The following NHSL1 variants were observed in gnomAD, a reference collection of about 807,000 sequenced individuals.
The protein encoded by NHSL1 is NHS-like protein 1.
Under a neutral mutation model 95.0 loss-of-function variants are expected in NHSL1, and 48 were observed. That is an observed-to-expected ratio of 0.51 (90% CI 0.40 to 0.64). The LOEUF is 0.64. Ranked by LOEUF, NHSL1 falls within the 30% of genes least tolerant of loss-of-function variation. The probability of loss-of-function intolerance (pLI) is 0.00; values close to 1 mark genes in which losing one functional copy is unlikely to be tolerated. For missense variants in NHSL1, 1,971 were observed against 2,077.7 expected, an observed-to-expected ratio of 0.95 and a Z score of 1.00; for synonymous variants, 783 against 833.9, an observed-to-expected ratio of 0.94 and a Z score of 1.05.
rs1328098046 is a variant in NHSL1 at position 138,432,090 on chromosome 6, G to A, written c.2255C>T (p.Thr752Ile). The A allele has an allele frequency of 6.4e-7, 1 of 1,551,590 alleles. No homozygotes were observed. Among genetic ancestry groups the A allele is most frequent in the Non-Finnish European group, 8.7e-7 (1 of 1,146,942 alleles). The change falls in exon 6 of 8, where the codon ACC becomes ATC. Residue 752 changes from threonine to isoleucine, a missense_variant. Physicochemically the swap from Thr to Ile is moderately conservative, Grantham distance 89. This residue lies in a region of NHSL1 where 1,602 missense variants were observed against 1,654.5 expected (regional missense o/e 0.97). Coordinates refer to ENST00000343505, the MANE Select transcript of NHSL1 (RefSeq NM_001144060.2). The surrounding 1 kb of genome is among the most constrained non-coding windows in gnomAD (Gnocchi z 4.4). ...GCACAGGGAGTAGACATTGGGGGTG[G>A]TGGCGGAAGTCATGCTGCTGCCAGC... ...VSAGSSMTSATTPNVYSLCGA... is the reference protein window; with the variant it reads ...VSAGSSMTSAITPNVYSLCGA...
At chr6:138,591,140 A>T (rs1011893993) in intron 1 of NHSL1, among the ~76,000 whole-genome samples, 1 of 152,214 alleles carries the variant, frequency 6.6e-6, no homozygotes, top group Non-Finnish European at 1.5e-5. Context: ...TTTGAACTTG[A>T]GAATGTGCAG....
intron 1 of NHSL1, among the ~76,000 whole-genome samples, chr6:138,587,399 T>C (rs1784153299): frequency 6.7e-6 from 1 of 149,622 alleles, no homozygotes; most frequent in Non-Finnish European, 1.5e-5. Context: ...CTGGCCAACA[T>C]GGTGAAACCC....
chr6:138,644,964 T>G (rs999016314), intron 1 of NHSL1, among the ~76,000 whole-genome samples: 1 of 152,168 alleles, frequency 6.6e-6, no homozygotes, highest in African/African-American at 2.4e-5. Context: ...AGTCAATAAT[T>G]TTGAAACCTA....
At chr6:138,664,334 G>A (rs1785267039) in intron 1 of NHSL1, among the ~76,000 whole-genome samples, 1 of 152,158 alleles carries the variant, frequency 6.6e-6, no homozygotes, top group Non-Finnish European at 1.5e-5. Flanking sequence ...AAGTAGGCTG[G>A]GTACCCAAGC....
chr6:138,536,791 C>T (rs1315502521), intron 1 of NHSL1, among the ~76,000 whole-genome samples: 1 of 152,044 alleles, frequency 6.6e-6, no homozygotes, highest in Non-Finnish European at 1.5e-5. Context: ...TTTCCCCCAA[C>T]TCCAGACATA....
chr6:138,635,133 C>A (rs1784871263), intron 1 of NHSL1, among the ~76,000 whole-genome samples: 1 of 145,806 alleles, frequency 6.9e-6, no homozygotes, highest in African/African-American at 2.5e-5. Context: ...ATTAGAAAAG[C>A]AAGAGCAAAC....
intron 1 of NHSL1, among the ~76,000 whole-genome samples, chr6:138,531,160 C>T (rs771530164): frequency 1.9e-4 from 29 of 152,066 alleles, no homozygotes; most frequent in Non-Finnish European, 3.7e-4. Context: ...GTCACCCAGT[C>T]TATGGTACTT....
At chr6:138,545,940 G>T, upstream of NHSL1, 1 of 534,552 alleles carries the variant, frequency 1.9e-6, no homozygotes, top group Non-Finnish European at 2.4e-6. Flanking sequence ...ATCAGCCCAA[G>T]GGCGAGCCCA....
intron 1 of NHSL1, among the ~76,000 whole-genome samples, chr6:138,670,665 CA>C (rs370888768): frequency 0.22 from 15,285 of 69,286 alleles, 322 homozygotes; most frequent in Non-Finnish European, 0.26. Context: ...GACTCCGTCT[CA>C]AAAAAAAAAA....
At chr6:138,656,529 T>G (rs759846136) in intron 1 of NHSL1, among the ~76,000 whole-genome samples, 3 of 152,176 alleles carry the variant, frequency 2.0e-5, no homozygotes, top group Non-Finnish European at 2.9e-5. Context: ...AGCTGAAATG[T>G]GCATGTGTAT....
chr6:138,624,271 G>A (rs769556373), intron 1 of NHSL1, among the ~76,000 whole-genome samples: 1 of 152,152 alleles, frequency 6.6e-6, no homozygotes, highest in Non-Finnish European at 1.5e-5. Flanking sequence ...GTCTAGGGTG[G>A]TGCCTGAGCC....
At chr6:138,464,715 C>CTTTTTTTTTTTTTTTT (rs1157342436) in intron 3 of NHSL1, among the ~76,000 whole-genome samples, 18 of 118,962 alleles carry the variant, frequency 1.5e-4, no homozygotes, top group Admixed American at 4.0e-4. Context: ...TTTTTCTTTT[C>CTTTTTTTTTTTTTTTT]TTTTTTTTTT....
At chr6:138,467,291 C>T (rs955252548) in intron 3 of NHSL1, among the ~76,000 whole-genome samples, 7 of 151,910 alleles carry the variant, frequency 4.6e-5, no homozygotes, top group African/African-American at 1.4e-4. Context: ...TAGCTGGGAC[C>T]GCAGGTGCCC....
At chr6:138,669,773 G>C (rs949686493) in intron 1 of NHSL1, among the ~76,000 whole-genome samples, 5 of 152,194 alleles carry the variant, frequency 3.3e-5, no homozygotes, top group African/African-American at 1.2e-4. Context: ...AGCCAGCTAA[G>C]AGAGTAGAGG....
chr6:138,683,302 C>T (rs1301021639), intron 1 of NHSL1, among the ~76,000 whole-genome samples: 5 of 152,178 alleles, frequency 3.3e-5, no homozygotes, highest in Non-Finnish European at 5.9e-5. Flanking sequence ...CTCATGTAGC[C>T]GTGGTCAGCT....
chr6:138,422,181 G>T lies in NHSL1; in HGVS notation c.*1900C>A, dbSNP rs1281339289. 6.6e-6 allele frequency: 1 copy of T among 152,048 alleles called. No individual in the cohort carries two copies. The highest frequency in any genetic ancestry group is 2.4e-5 in the African/African-American group (1 of 41,398). The allele number at this position is 152,048 out of a possible 1,614,324, so 9.4% of individuals were successfully genotyped here. A position where few individuals can be genotyped will look rare whatever the true frequency, so the allele number is the denominator to read the frequency against. On this transcript the variant is annotated 3_prime_UTR_variant, in exon 8 of 8. Transcript: ENST00000343505. Reference sequence around the variant, plus strand: ...TTTGCATAAATTATGTATTATTAAAGGTTTCTGATATCCATATACATTCTA... The same window carrying T: ...TTTGCATAAATTATGTATTATTAAATGTTTCTGATATCCATATACATTCTA...
chr6:138,499,536 G>A (rs1471768283), upstream of NHSL1: 4 of 707,462 alleles, frequency 5.7e-6, no homozygotes, highest in Non-Finnish European at 7.9e-6. Context: ...GCTGAGAGCA[G>A]CCAGTGACAT....
At position 138,430,395 on chromosome 6, in the gene NHSL1, G is replaced by A; in HGVS notation, c.3950C>T (p.Ala1317Val). 2 of 1,472,652 alleles carry A rather than the reference G, an allele frequency of 1.4e-6. No individual in the cohort carries two copies. The highest frequency in any genetic ancestry group is 5.0e-5 in the East Asian group (2 of 40,056). The allele number at this position is 1,472,652 out of a possible 1,614,324, so 91.2% of individuals were successfully genotyped here. ...GESCLSQQDG[A>V]AGVPETNAAG... is the part of the protein sequence containing the mutation. ...AGAAGCCAGGAAGCCAGACTCACCT[G>A]CTCCGTCCTGTTGAGATAGGCAGCT... Residue 1317 changes from alanine to valine, a missense_variant and splice_region_variant, in exon 6 of 8, where the codon GCA (alanine) becomes GTA (valine). Physicochemically the swap from Ala to Val is moderately conservative, Grantham distance 64. Transcript: ENST00000343505. The surrounding 1 kb of genome is among the most constrained non-coding windows in gnomAD (Gnocchi z 4.7).
rs181929883 is a variant in NHSL1, at chr6:138,634,361, A to C, written c.96+58115T>G. Among the ~76,000 whole-genome samples, 100 of 152,324 alleles carry C rather than the reference A, an allele frequency of 6.6e-4. No homozygotes were observed. The East Asian group carries it at 0.014, about 21-fold the overall frequency. On this transcript the variant is annotated intron_variant, in intron 1 of 3. Coordinates refer to the NHSL1 transcript ENST00000491526. ...ACATAGACCAAAAATAAATGGATAG[A>C]AAAAGATATTCCATGCCAACAAAAA... is the stretch of plus-strand genomic sequence containing the variant.
Sources: gnomAD v4.1 joint callset for allele counts (sites outside exome capture counted in the v4.1 genomes callset) on GRCh38, gnomAD v4.1.1 for gene constraint, gnomAD v4.1.1 regional missense constraint, Gnocchi (gnomAD v3.1) non-coding constraint, MANE v1.5 for transcripts, NCBI Gene and HGNC (gene_info 2026-07-23, HGNC 2026-07-21) for gene names.